ITCH: variants seen among roughly 807,000 people sequenced by gnomAD.
ITCH encodes itchy E3 ubiquitin protein ligase, also known as E3 ubiquitin-protein ligase Itchy homolog.
Under a neutral mutation model 126.8 loss-of-function variants are expected in ITCH, and 28 were observed. The ratio of observed to expected loss-of-function variants is 0.22; its 90% confidence interval spans 0.16 to 0.30. ITCH has a LOEUF of 0.30. ITCH is among the 10% of genes least tolerant of loss of function. The pLI is 1.00. For synonymous variants in ITCH, 342 were observed against 340.0 expected, an observed-to-expected ratio of 1.01 and a Z score of -0.06; for missense variants, 631 against 1,032.4, an observed-to-expected ratio of 0.61 and a Z score of 5.33.
At chr20:34,428,775 T>A (rs540178642) in intron 7 of ITCH, among the ~76,000 whole-genome samples, 14 of 152,232 alleles carry the variant, frequency 9.2e-5, no homozygotes, top group African/African-American at 2.6e-4. Context: ...GATTGTACTA[T>A]AATAGCATTT....
At chr20:34,465,733 A>C (rs1369058448) in intron 14 of ITCH, among the ~76,000 whole-genome samples, 2 of 152,126 alleles carry the variant, frequency 1.3e-5, no homozygotes, top group African/African-American at 2.4e-5. Flanking sequence ...GTATATAGAA[A>C]TGGAACTATT....
chr20:34,441,110 A>C (rs1983694102), intron 9 of ITCH, among the ~76,000 whole-genome samples: 1 of 151,916 alleles, frequency 6.6e-6, no homozygotes, highest in South Asian at 2.1e-4. Flanking sequence ...ATCTCTACTA[A>C]AAATACAAAA....
intron 15 of ITCH, among the ~76,000 whole-genome samples, chr20:34,470,846 A>G (rs1054754144): frequency 6.6e-6 from 1 of 152,184 alleles, no homozygotes; most frequent in Admixed American, 6.5e-5. Context: ...CATCTTCCCC[A>G]AGTGCTGGGA....
rs549600913 is a variant in ITCH at position 34,435,783 on chromosome 20, A to G, written c.522-2691A>G. The stretch of plus-strand genomic sequence containing the variant: ...GTTGGGCAAGGGTGAAGGAATTGAA[A>G]CTACTAGGGAAAGTAGCCTATGATG... On this transcript the variant is annotated intron_variant, in intron 7 of 24. Transcript: ENST00000374864. Among the ~76,000 whole-genome samples the G allele has an allele frequency of 6.6e-5, 10 of 152,284 alleles. No individual in the cohort carries two copies. The South Asian group carries it at 8.3e-4, about 13-fold the overall frequency.
intron 11 of ITCH, 109 bp from the exon 12 acceptor site, chr20:34,449,302 A>G: frequency 1.4e-6 from 1 of 690,152 alleles, no homozygotes; most frequent in Admixed American, 2.3e-5. Flanking sequence ...TTAAGATACA[A>G]ACTCTCTGTG....
chr20:34,428,111 G>A (rs1187838661), intron 7 of ITCH, among the ~76,000 whole-genome samples: 1 of 152,154 alleles, frequency 6.6e-6, no homozygotes, highest in Non-Finnish European at 1.5e-5. Flanking sequence ...AAGTTCCTGT[G>A]CATCAGCTTT....
rs118019801 is a variant in ITCH, at chr20:34,431,370, G to A, written c.521+6845G>A. ...CAAAGTTGCAGTGAACTGTGATTGC[G>A]CCATTGCACTCCAGCTTGAGTGACA... On this transcript the variant is annotated intron_variant, in intron 7 of 24. Transcript: ENST00000374864. Among the ~76,000 whole-genome samples, 102 of 152,170 alleles carry A rather than the reference G, an allele frequency of 6.7e-4. No homozygotes were observed. The East Asian group carries it at 0.015, about 22-fold the overall frequency.
At chr20:34,429,762 T>C (rs1472998028) in intron 7 of ITCH, among the ~76,000 whole-genome samples, 1 of 152,150 alleles carries the variant, frequency 6.6e-6, no homozygotes, top group Non-Finnish European at 1.5e-5. Context: ...TGAACTGTTG[T>C]TTTTATGTTT....
At chr20:34,395,220 G>A (rs542903193) in intron 3 of ITCH, among the ~76,000 whole-genome samples, 12 of 146,398 alleles carry the variant, frequency 8.2e-5, no homozygotes, top group South Asian at 2.2e-4. Flanking sequence ...GCGACAGAGC[G>A]AGACTCCATC....
At chr20:34,366,934 T>A (rs1289772977) in intron 1 of ITCH, among the ~76,000 whole-genome samples, 2 of 152,178 alleles carry the variant, frequency 1.3e-5, no homozygotes, top group Non-Finnish European at 2.9e-5. Flanking sequence ...GTGGGGATGA[T>A]CAAAGGATTG....
At chr20:34,456,853 A>T (rs1357205987) in intron 12 of ITCH, among the ~76,000 whole-genome samples, 2 of 151,512 alleles carry the variant, frequency 1.3e-5, no homozygotes, top group Non-Finnish European at 2.9e-5. Context: ...AAGTGCTGGG[A>T]TTACAGGCCT....
intron 2 of ITCH, among the ~76,000 whole-genome samples, chr20:34,384,777 C>T (rs1265000052): frequency 3.3e-5 from 5 of 150,462 alleles, no homozygotes; most frequent in African/African-American, 9.8e-5. Context: ...TCTCCTGCCT[C>T]AGCCTCCCAA....
intron 23 of ITCH, among the ~76,000 whole-genome samples, chr20:34,499,272 CTTTTTTTT>C (rs386393666): frequency 1.7e-4 from 4 of 23,006 alleles, no homozygotes; most frequent in Non-Finnish European, 2.3e-4. Context: ...CTGTGCCCAG[CTTTTTTTT>C]TTTTTTTTTT....
At chr20:34,402,105 A>G in intron 3 of ITCH, 1 of 842,002 alleles carries the variant, frequency 1.2e-6, no homozygotes. Flanking sequence ...TTTTAGTATG[A>G]TGCCAACACC....
chr20:34,376,404 T>C (rs916102794), intron 2 of ITCH, among the ~76,000 whole-genome samples: 14 of 151,988 alleles, frequency 9.2e-5, no homozygotes, highest in African/African-American at 3.4e-4. Flanking sequence ...GTCACTGATA[T>C]GTCACTGCAC....
intron 23 of ITCH, 92 bp from the exon 24 acceptor site, chr20:34,504,239 G>A: frequency 1.1e-6 from 1 of 940,594 alleles, no homozygotes; most frequent in East Asian, 2.4e-5. Context: ...GTTCTAACAA[G>A]TTCCCTCATG....
At chr20:34,505,168 C>T (rs1990538680) in intron 24 of ITCH, among the ~76,000 whole-genome samples, 1 of 151,938 alleles carries the variant, frequency 6.6e-6, no homozygotes, top group Non-Finnish European at 1.5e-5. Context: ...CTCAGCCTCC[C>T]AAGCAGCTGG....
intron 6 of ITCH, chr20:34,417,178 C>T (rs572540017): frequency 3.5e-4 from 239 of 683,860 alleles, no homozygotes; most frequent in Middle Eastern, 1.1e-3. Context: ...CTCACTGCAA[C>T]CTCTGCCTCC....
At chr20:34,475,525 C>T (rs1988119682) in intron 16 of ITCH, among the ~76,000 whole-genome samples, 1 of 152,190 alleles carries the variant, frequency 6.6e-6, no homozygotes. Context: ...CGTGGCGGCG[C>T]GTGCCTGCAA....
Sources: gnomAD v4.1 joint callset for allele counts (sites outside exome capture counted in the v4.1 genomes callset) on GRCh38, gnomAD v4.1.1 for gene constraint, MANE v1.5 for transcripts, NCBI Gene and HGNC (gene_info 2026-07-23, HGNC 2026-07-21) for gene names.